Variants in MYO18B observed in about 807,000 individuals in gnomAD.
The protein encoded by MYO18B is myosin XVIIIB.
A neutral mutation model predicts 273.0 loss-of-function variants in MYO18B; 204 were observed. That is an observed-to-expected ratio of 0.75 (90% CI 0.67 to 0.84). The LOEUF is 0.84. MYO18B is among the 40% of genes least tolerant of loss of function. The pLI, the probability that MYO18B is intolerant of heterozygous loss-of-function variation, is 0.00. For missense variants in MYO18B, 3,212 were observed against 3,287.6 expected (o/e 0.98, Z 0.56); for synonymous variants, 1,330 against 1,305.7 (o/e 1.02, Z -0.40).
intron 34 of MYO18B, among the ~76,000 whole-genome samples, chr22:25,922,553 A>G (rs1353891166): frequency 2.0e-5 from 3 of 152,028 alleles, no homozygotes; most frequent in Non-Finnish European, 4.4e-5. Flanking sequence ...AATTGATGTT[A>G]CCTTCCCTCG....
chr22:25,895,008 G>C, intron 27 of MYO18B, 148 bp from the exon 28 acceptor site: 1 of 940,990 alleles, frequency 1.1e-6, no homozygotes, highest in Non-Finnish European at 1.6e-6. Context: ...TTAAAGCATA[G>C]TTTCTTGGTC....
intron 38 of MYO18B, among the ~76,000 whole-genome samples, chr22:25,954,115 C>T (rs1346618868): frequency 6.6e-6 from 1 of 152,158 alleles, no homozygotes; most frequent in Non-Finnish European, 1.5e-5. Flanking sequence ...AGAGTATTTG[C>T]CCATCAGGAT....
At chr22:25,948,439 C>CTTTCTTTCT (rs1569224982) in intron 36 of MYO18B, among the ~76,000 whole-genome samples, 68 of 106,352 alleles carry the variant, frequency 6.4e-4, no homozygotes, top group African/African-American at 2.0e-3. Flanking sequence ...TCCTTCCTTC[C>CTTTCTTTCT]TTCCTTCCTT....
chr22:26,034,098 G>A (rs1236168442), downstream of MYO18B, among the ~76,000 whole-genome samples: 5 of 152,020 alleles, frequency 3.3e-5, no homozygotes, highest in East Asian at 1.9e-4. Context: ...GATTACAGGC[G>A]CCCGCCACCA....
In MYO18B at chr22:25,958,781, T is replaced by G. The variant is rs944324444; in HGVS notation, c.6156+3417T>G. 2.0e-5 allele frequency among the ~76,000 whole-genome samples: 3 copies of G among 152,290 alleles called. No homozygotes were observed. The South Asian group carries it at 6.2e-4, about 32-fold the overall frequency. On this transcript the variant is annotated intron_variant, in intron 39 of 43. Coordinates refer to ENST00000335473, the MANE Select transcript of MYO18B (RefSeq NM_032608.7). ...ACTCTCCCTGGCTTCTGAAGACAGA[T>G]CATCCCATCTGTTCATGTCTATGCC... is the stretch of plus-strand genomic sequence containing the variant.
At position 25,891,428 on chromosome 22, in the gene MYO18B, C is replaced by T. The variant is rs1569158447; in HGVS notation, c.4543+16C>T. On this transcript the variant is annotated intron_variant, in intron 27 of 43. Transcript: ENST00000335473. ...ACTGGAGGAGGTGAGCAGCCTGGGA[C>T]CCTTGGGGCTGGAAGGTGATGGACA... 2.0e-6 allele frequency: 3 copies of T among 1,502,896 alleles called. No homozygotes were observed. The highest frequency in any genetic ancestry group is 1.7e-4 in the Middle Eastern group (1 of 5,884). The allele number at this position is 1,502,896 out of a possible 1,614,324, so 93.1% of individuals were successfully genotyped here. A position where few individuals can be genotyped will look rare whatever the true frequency, so the allele number is the denominator to read the frequency against.
chr22:25,810,495 G>T (rs1023338683), intron 12 of MYO18B, among the ~76,000 whole-genome samples: 2 of 143,420 alleles, frequency 1.4e-5, no homozygotes, highest in Admixed American at 7.2e-5. Flanking sequence ...GTGCAGTGAC[G>T]TGATCTCGGC....
rs756315556 is a variant in MYO18B at position 25,921,386 on chromosome 22, G to A, written c.5494G>A (p.Glu1832Lys). Residue 1832 changes from glutamate to lysine, a missense_variant, in exon 34 of 44, where the codon GAG (glutamate) becomes AAG (lysine). Physicochemically the swap from Glu to Lys is moderately conservative, Grantham distance 56 (BLOSUM62 1). Coordinates refer to ENST00000335473, the MANE Select transcript of MYO18B (RefSeq NM_032608.7). ...EDGKTSVSKE[E>K]LEKVHSQLEQ... is the part of the protein sequence containing the mutation. ...TGGCAAGACATCAGTCAGCAAGGAG[G>A]AGCTGGAGAAAGTGCACAGCCAGGT... The A allele has an allele frequency of 5.0e-6, 8 of 1,601,104 alleles. No individual in the cohort carries two copies. Among genetic ancestry groups the A allele is most frequent in the African/African-American group, 1.3e-5 (1 of 74,716 alleles).
the MYO18B span, among the ~76,000 whole-genome samples, chr22:26,053,773 C>T: frequency 3.3e-5 from 5 of 152,076 alleles, no homozygotes; most frequent in African/African-American, 4.8e-5. Flanking sequence ...AGACTGAGTC[C>T]GGGTGCCAAG....
the MYO18B span, among the ~76,000 whole-genome samples, chr22:26,052,906 C>T: frequency 6.6e-6 from 1 of 151,474 alleles, no homozygotes; most frequent in African/African-American, 2.4e-5. Flanking sequence ...GGGTTCATGC[C>T]ATTCTCCTGC....
At chr22:25,775,872 C>T (rs1385638484) in intron 7 of MYO18B, among the ~76,000 whole-genome samples, 1 of 141,216 alleles carries the variant, frequency 7.1e-6, no homozygotes, top group Non-Finnish European at 1.6e-5. Flanking sequence ...CAAGCTCCAC[C>T]AAGCAGGGAC....
chr22:25,947,883 G>C (rs1230543468), intron 36 of MYO18B, 55 bp downstream of exon 36: 4 of 1,359,608 alleles, frequency 2.9e-6, no homozygotes, highest in Non-Finnish European at 4.2e-6. Context: ...GGGGTGAATG[G>C]GGAATGTTGA....
chr22:25,904,874 A>G (rs906322465), intron 31 of MYO18B, among the ~76,000 whole-genome samples: 4 of 152,104 alleles, frequency 2.6e-5, no homozygotes, highest in Admixed American at 2.0e-4. Context: ...TCTTACACAC[A>G]TAATAATTTT....
rs1231970494 is a variant in MYO18B at position 25,843,809 on chromosome 22, C to T, written c.3283C>T (p.Arg1095Trp). The T allele has an allele frequency of 1.4e-5, 23 of 1,613,734 alleles. No individual in the cohort carries two copies. The highest frequency in any genetic ancestry group is 2.2e-5 in the South Asian group (2 of 91,064). Residue 1095 changes from arginine (R) to tryptophan (W), a missense_variant, in exon 18 of 44, where the codon CGG (arginine) becomes TGG (tryptophan). Transcript: ENST00000335473. ...CCACCAGTTGGGATGGGACCCTGTG[C>T]GGTACGACCTCACGGGCTGGCTCCA... ...IFHQLGWDPV[R>W]YDLTGWLHRA...
chr22:25,902,806 C>G lies in MYO18B; in HGVS notation c.4947+70C>G. The G allele has an allele frequency of 2.7e-6, 4 of 1,497,174 alleles. No individual in the cohort carries two copies. In the South Asian group the frequency reaches 5.1e-5, roughly 19 times the overall value. 92.7% of individuals were successfully genotyped at this position (1,497,174 alleles called of 1,614,324 possible). A position where few individuals can be genotyped will look rare whatever the true frequency, so the allele number is the denominator to read the frequency against. On this transcript the variant is annotated intron_variant, in intron 30 of 43. Transcript: ENST00000335473. The stretch of plus-strand genomic sequence containing the variant: ...AATCTCGGGAAACTGCATCGTGCAC[C>G]TGCTGCAAATGGTGACAGAGAGAAA...
At chr22:25,747,243 C>T (rs573006482) in intron 1 of MYO18B, among the ~76,000 whole-genome samples, 7 of 152,350 alleles carry the variant, frequency 4.6e-5, no homozygotes, top group South Asian at 4.1e-4. Context: ...TCATGGTGGC[C>T]GGGAAACACT....
chr22:25,784,639 T>C (rs1371240046), intron 10 of MYO18B, among the ~76,000 whole-genome samples: 1 of 151,964 alleles, frequency 6.6e-6, no homozygotes, highest in Non-Finnish European at 1.5e-5. Context: ...CAGGAACCAA[T>C]TTGAACCAAC....
At chr22:25,913,079 C>T (rs1046452722) in intron 33 of MYO18B, among the ~76,000 whole-genome samples, 6 of 152,176 alleles carry the variant, frequency 3.9e-5, no homozygotes, top group East Asian at 1.9e-4. Context: ...ACTGTGCACA[C>T]GGGCGAGTGT....
In MYO18B at chr22:26,026,786, G is replaced by T. The variant is rs1038021282; in HGVS notation, c.6812G>T (p.Gly2271Val). Reference protein sequence around the residue: ...RAQRGQGSTLGLEDWPTLPIY... With the variant: ...RAQRGQGSTLVLEDWPTLPIY... Reference sequence around the variant, plus strand: ...CAGAGAGGCCAGGGGTCCACGCTGGGCCTAGAGGACTGGCCCACTCTCCCC... The same window carrying T: ...CAGAGAGGCCAGGGGTCCACGCTGGTCCTAGAGGACTGGCCCACTCTCCCC... The change falls in exon 43 of 44, where the codon GGC (glycine) becomes GTC (valine). Residue 2271 changes from glycine (G) to valine (V), a missense_variant. Gly to Val is a moderately radical substitution (Grantham distance 109). Transcript: ENST00000335473. 1 of 1,604,982 alleles carries T rather than the reference G, an allele frequency of 6.2e-7. No individual in the cohort carries two copies. The highest frequency in any genetic ancestry group is 1.1e-5 in the South Asian group (1 of 89,902).
Sources: gnomAD v4.1 joint callset for allele counts (sites outside exome capture counted in the v4.1 genomes callset) on GRCh38, gnomAD v4.1.1 for gene constraint, MANE v1.5 for transcripts, NCBI Gene and HGNC (gene_info 2026-07-23, HGNC 2026-07-21) for gene names.